RTTN: variants seen among roughly 807,000 people sequenced by gnomAD.
RTTN encodes the protein rotatin.
In RTTN, 182 loss-of-function variants were observed where a neutral mutation model predicts 269.2. The observed-to-expected ratio is 0.68, with a 90% CI of 0.60 to 0.76. RTTN has a LOEUF of 0.76. Among genes scored for constraint, RTTN ranks in the 30% least tolerant of loss-of-function variants. RTTN has a pLI of 0.00. For synonymous variants in RTTN, 1,006 were observed against 963.5 expected, an observed-to-expected ratio of 1.04 and a Z score of -0.82; for missense variants, 2,545 against 2,608.6, an observed-to-expected ratio of 0.98 and a Z score of 0.53.
At chr18:70,111,261 C>T (rs567265623) in intron 27 of RTTN, among the ~76,000 whole-genome samples, 3 of 152,346 alleles carry the variant, frequency 2.0e-5, no homozygotes, top group Non-Finnish European at 2.9e-5. Flanking sequence ...TGTATCCTGA[C>T]GGGGAGACAC....
At chr18:70,008,643 G>A (rs2056272644) in intron 46 of RTTN, 4 of 150,864 alleles carry the variant, frequency 2.7e-5, no homozygotes, top group Admixed American at 2.7e-4. Flanking sequence ...CGATCAAGCA[G>A]AAGAAAGGAT....
At chr18:70,004,952 T>C (rs1035231668) in intron 48 of RTTN, among the ~76,000 whole-genome samples, 7 of 152,244 alleles carry the variant, frequency 4.6e-5, no homozygotes, top group African/African-American at 1.4e-4. Flanking sequence ...GTGGTCACTG[T>C]TGGCAAAGAA....
At position 70,020,607 on chromosome 18, in the gene RTTN, G is replaced by A. The variant is rs1462740366; in HGVS notation, c.6153+8C>T. 3.7e-6 allele frequency: 6 copies of A among 1,610,076 alleles called. No individual in the cohort carries two copies. Among genetic ancestry groups the A allele is most frequent in the Non-Finnish European group, 5.1e-6 (6 of 1,176,870 alleles). On this transcript the variant is annotated splice_region_variant and intron_variant, in intron 45 of 48. Transcript: ENST00000640769. ...CTTTTAAGATATGTGGGGAGTTTAAGTGCGTACCTTCTGAATTACTCCTTT... is the reference window on the plus strand; with the variant it reads ...CTTTTAAGATATGTGGGGAGTTTAAATGCGTACCTTCTGAATTACTCCTTT...
intron 46 of RTTN, chr18:70,008,437 G>A (rs2056264525): frequency 6.6e-6 from 1 of 152,016 alleles, no homozygotes; most frequent in African/African-American, 2.4e-5. Context: ...GCTTCAGAAG[G>A]TGGGTAATAA....
In RTTN at chr18:70,051,480, T is replaced by C. The variant is rs766648509; in HGVS notation, c.5254A>G (p.Arg1752Gly). The change falls in exon 39 of 49, where the codon AGG becomes GGG. Residue 1752 changes from arginine (R) to glycine (G), a missense_variant. Coordinates refer to ENST00000640769, the MANE Select transcript of RTTN (RefSeq NM_173630.4). ...GGGAGTGTGATGGCACCAGCTTTCC[T>C]CAGGAGCATGGCCAGAAGATTAAAT... ...HLFNLLAMLL[R>G]KAGAITLPFV... 4 of 1,613,882 alleles carry C rather than the reference T, an allele frequency of 2.5e-6. No individual in the cohort carries two copies. The East Asian group carries it at 8.9e-5, about 36-fold the overall frequency.
Position 70,028,760 on chromosome 18 carries a change from G to C in RTTN, c.5787C>G (p.Leu1929=), listed in dbSNP as rs764558881. 6.2e-7 allele frequency: 1 copy of C among 1,611,506 alleles called. No homozygotes were observed. The highest frequency in any genetic ancestry group is 1.3e-5 in the African/African-American group (1 of 74,804). ...CATTTTGATAAAGACAGTTTCTTAG[G>C]AGCTGCATGGCAATGCTTAACTCTT... is the stretch of plus-strand genomic sequence containing the variant. The part of the protein sequence containing the change: ...VIKELSIAMQ[L]LRNCLYQNEE... The change falls in exon 43 of 49, where the codon CTC becomes CTG. Residue 1929 remains leucine, a synonymous_variant. Coordinates refer to ENST00000640769, the MANE Select transcript of RTTN (RefSeq NM_173630.4).
chr18:70,184,216 G>C (rs1362784810), intron 10 of RTTN, among the ~76,000 whole-genome samples: 2 of 152,160 alleles, frequency 1.3e-5, no homozygotes, highest in Non-Finnish European at 2.9e-5. Context: ...AAATGTATAA[G>C]ACCTATACAC....
intron 43 of RTTN, 53 bp downstream of exon 43, chr18:70,028,671 A>G: frequency 9.4e-7 from 1 of 1,059,036 alleles, no homozygotes; most frequent in Non-Finnish European, 1.4e-6. Context: ...ATAAAAATTA[A>G]ACTGCTTAAT....
chr18:70,032,319 C>T (rs2057039225), intron 40 of RTTN, among the ~76,000 whole-genome samples: 1 of 152,210 alleles, frequency 6.6e-6, no homozygotes, highest in Non-Finnish European at 1.5e-5. Context: ...ACGGTAGCTC[C>T]TGCACTGGCA....
intron 27 of RTTN, 124 bp downstream of exon 27, chr18:70,114,321 A>C: frequency 1.1e-6 from 1 of 917,938 alleles, no homozygotes; most frequent in Middle Eastern, 2.7e-4. Flanking sequence ...ATAACTGATT[A>C]TTATTTAAGT....
intron 14 of RTTN, among the ~76,000 whole-genome samples, chr18:70,164,186 T>C (rs889867288): frequency 2.0e-5 from 3 of 150,648 alleles, no homozygotes; most frequent in Non-Finnish European, 2.9e-5. Flanking sequence ...ACTCAGAACA[T>C]AGTTAAAATG....
Position 70,114,474 on chromosome 18 carries a change from C to T in RTTN, c.3654G>A (p.Leu1218=). 6.2e-7 allele frequency: 1 copy of T among 1,613,078 alleles called. No individual in the cohort carries two copies. Among genetic ancestry groups the T allele is most frequent in the Non-Finnish European group, 8.5e-7 (1 of 1,179,384 alleles). Residue 1218 remains leucine (L), a synonymous_variant, in exon 27 of 49, where the codon TTG becomes TTA. Transcript: ENST00000640769. The part of the protein sequence containing the change: ...QKELIALFDT[L]LLNFMEVTDR... ...CAGTAACTTCCATGAAATTGAGCAGCAAGGTATCAAAAAGAGCAATCAGTT... is the reference window on the plus strand; with the variant it reads ...CAGTAACTTCCATGAAATTGAGCAGTAAGGTATCAAAAAGAGCAATCAGTT...
At chr18:70,139,551 T>C (rs1239883543) in intron 21 of RTTN, 48 bp downstream of exon 21, 1 of 1,197,148 alleles carries the variant, frequency 8.4e-7, no homozygotes, top group Non-Finnish European at 1.2e-6. Flanking sequence ...GAAGAAACAC[T>C]TAAAATTTAA....
intron 19 of RTTN, among the ~76,000 whole-genome samples, chr18:70,141,272 T>A (rs1413750551): frequency 6.6e-6 from 1 of 152,194 alleles, no homozygotes; most frequent in African/African-American, 2.4e-5. Context: ...AACTCAAAGT[T>A]ATCATTTCTC....
chr18:70,157,831 T>C (rs1959567584), intron 14 of RTTN, among the ~76,000 whole-genome samples: 1 of 151,774 alleles, frequency 6.6e-6, no homozygotes, highest in Non-Finnish European at 1.5e-5. Context: ...GAAGCATTAA[T>C]AACATAACTG....
intron 14 of RTTN, among the ~76,000 whole-genome samples, chr18:70,153,733 C>T (rs1245459340): frequency 6.6e-6 from 1 of 152,110 alleles, no homozygotes; most frequent in Non-Finnish European, 1.5e-5. Flanking sequence ...AAGTGAAATG[C>T]CTTTACAAAT....
At chr18:70,104,221 G>A (rs951406079) in intron 28 of RTTN, among the ~76,000 whole-genome samples, 7 of 151,780 alleles carry the variant, frequency 4.6e-5, no homozygotes, top group East Asian at 1.9e-4. Context: ...TTCTCTTCTC[G>A]CTTCATTTCA....
chr18:70,103,730 G>A (rs867149713), intron 28 of RTTN, among the ~76,000 whole-genome samples: 8 of 103,858 alleles, frequency 7.7e-5, no homozygotes, highest in East Asian at 2.7e-4. Flanking sequence ...CCCCCTCTCC[G>A]AGAAACACCC....
chr18:70,060,252 A>T lies in RTTN; in HGVS notation c.4748-210T>A, dbSNP rs73964490. Among the ~76,000 whole-genome samples the T allele has an allele frequency of 0.037, 5,692 of 152,154 alleles. 139 individuals are homozygous for T. The highest frequency in any genetic ancestry group is 0.062 in the African/African-American group (2,556 of 41,506). ...CACCTTCCACCATGTGTGGATGTAGATGTGTAGATGTGTACACACGGACAT... is the reference window on the plus strand; with the variant it reads ...CACCTTCCACCATGTGTGGATGTAGTTGTGTAGATGTGTACACACGGACAT... On this transcript the variant is annotated intron_variant, in intron 35 of 48. Transcript: ENST00000640769.
Sources: allele counts gnomAD v4.1 joint callset (sites outside exome capture counted in the v4.1 genomes callset), GRCh38; gene constraint gnomAD v4.1.1; transcripts MANE v1.5; gene names NCBI Gene and HGNC (gene_info 2026-07-23, HGNC 2026-07-21).